SLC1A3: variants seen among roughly 807,000 people sequenced by gnomAD.
SLC1A3 encodes the protein solute carrier family 1 member 3.
SLC1A3 carries 21 observed loss-of-function variants against 48.1 expected under a neutral mutation model. The ratio of observed to expected loss-of-function variants is 0.44; its 90% confidence interval spans 0.31 to 0.63. The LOEUF (loss-of-function observed/expected upper bound fraction) is 0.63. SLC1A3 is among the 20% of genes least tolerant of loss of function. SLC1A3 has a pLI of 0.08. For synonymous variants in SLC1A3, 239 were observed against 251.4 expected, an observed-to-expected ratio of 0.95 and a Z score of 0.47; for missense variants, 546 against 689.0, an observed-to-expected ratio of 0.79 and a Z score of 2.32.
intron 3 of SLC1A3, among the ~76,000 whole-genome samples, chr5:36,639,202 A>C (rs1740514326): frequency 6.6e-6 from 1 of 151,742 alleles, no homozygotes; most frequent in Non-Finnish European, 1.5e-5. Context: ...GGGCTACTTT[A>C]TCTCTCTCTG....
intron 3 of SLC1A3, among the ~76,000 whole-genome samples, chr5:36,651,997 C>T (rs954129020): frequency 2.6e-5 from 4 of 152,190 alleles, no homozygotes; most frequent in African/African-American, 9.7e-5. Flanking sequence ...GGACTCTTGA[C>T]TCAGGGAAAT....
In SLC1A3 at chr5:36,636,463, T is replaced by TTTC. The variant is rs1554041157; in HGVS notation, c.319+6878_319+6879insCTT. On this transcript the variant is annotated intron_variant, in intron 3 of 9. Transcript: ENST00000265113. ...TCTTTTCTTTTTCTTTCTTTCTTTC[T>TTTC]TTTCTTTCTTTCTTTCTTTCTTTCT... 3.8e-3 allele frequency: 261 copies of TTTC among 68,564 alleles called. 5 individuals are homozygous for TTTC. The highest frequency in any genetic ancestry group is 0.017 in the African/African-American group (238 of 13,792). The allele number at this position is 68,564 out of a possible 1,614,324, so 4.2% of individuals were successfully genotyped here. A position where few individuals can be genotyped will look rare whatever the true frequency, so the allele number is the denominator to read the frequency against.
intron 3 of SLC1A3, among the ~76,000 whole-genome samples, chr5:36,660,239 A>C (rs1381014617): frequency 1.3e-5 from 2 of 152,172 alleles, no homozygotes; most frequent in Non-Finnish European, 2.9e-5. Context: ...AAGTCAACCA[A>C]ATGTTACTTC....
chr5:36,608,135 C>T (rs1043767578), intron 1 of SLC1A3, 194 bp from the exon 2 acceptor site: 9 of 354,896 alleles, frequency 2.5e-5, no homozygotes, highest in African/African-American at 1.2e-4. Flanking sequence ...GAATATATTC[C>T]GAATTTATGC....
At chr5:36,654,264 ACT>A (rs1741203316) in intron 3 of SLC1A3, among the ~76,000 whole-genome samples, 2 of 152,010 alleles carry the variant, frequency 1.3e-5, no homozygotes, top group South Asian at 4.2e-4. Context: ...TACAGAAAAC[ACT>A]CTGTGAGTGG....
chr5:36,665,219 G>GA (rs35654981), intron 3 of SLC1A3, among the ~76,000 whole-genome samples: 55,940 of 141,154 alleles, frequency 0.4, 11,014 homozygotes, highest in East Asian at 0.5. Flanking sequence ...CTAAGTGTTA[G>GA]AAAAAAAAAA....
intron 3 of SLC1A3, among the ~76,000 whole-genome samples, chr5:36,642,616 T>C (rs1344987136): frequency 6.6e-6 from 1 of 152,206 alleles, no homozygotes; most frequent in Admixed American, 6.5e-5. Flanking sequence ...TAATGGCTTC[T>C]AGTATATTTA....
chr5:36,632,277 G>A (rs572919485), intron 3 of SLC1A3, among the ~76,000 whole-genome samples: 6 of 152,260 alleles, frequency 3.9e-5, no homozygotes, highest in Middle Eastern at 3.4e-3. Flanking sequence ...TACAATTCAC[G>A]AAACAAACCA....
At chr5:36,605,858 T>A (rs1223047745), upstream of SLC1A3, among the ~76,000 whole-genome samples, 1 of 152,200 alleles carries the variant, frequency 6.6e-6, no homozygotes, top group Non-Finnish European at 1.5e-5. Context: ...ACATTTAGCA[T>A]CCTTTAAAAT....
intron 3 of SLC1A3, among the ~76,000 whole-genome samples, chr5:36,634,302 A>AAATAAATAAAT (rs1561253625): frequency 6.6e-6 from 1 of 151,994 alleles, no homozygotes; most frequent in African/African-American, 2.4e-5. Context: ...ATAAATAAAT[A>AAATAAATAAAT]AATAAATAAA....
chr5:36,647,773 TC>T (rs1322991691), intron 3 of SLC1A3, among the ~76,000 whole-genome samples: 7 of 152,198 alleles, frequency 4.6e-5, no homozygotes, highest in Non-Finnish European at 8.8e-5. Context: ...ACTCCAGGGA[TC>T]CATTTTGTTT....
intron 2 of SLC1A3, among the ~76,000 whole-genome samples, chr5:36,622,782 T>C (rs978258352): frequency 6.6e-6 from 1 of 151,890 alleles, no homozygotes; most frequent in Non-Finnish European, 1.5e-5. Context: ...GAGGCCGAGG[T>C]GGGCAGATCA....
chr5:36,636,743 A>G (rs774708872), intron 3 of SLC1A3, among the ~76,000 whole-genome samples: 24 of 151,938 alleles, frequency 1.6e-4, no homozygotes, highest in Non-Finnish European at 2.9e-4. Context: ...TGGGAAGTAA[A>G]GGAGAAAAGG....
At position 36,644,101 on chromosome 5, in the gene SLC1A3, A is replaced by C. The variant is rs145247396; in HGVS notation, c.319+14514A>C. Among the ~76,000 whole-genome samples the C allele has an allele frequency of 1.3e-3, 197 of 152,258 alleles. 1 individual carries two copies. Among genetic ancestry groups the C allele is most frequent in the African/African-American group, 4.4e-3 (181 of 41,558 alleles). ...AACATCAGTGAAAATAAGTAGTTTT[A>C]TATTATTATGTACTTTTGAAGTAAA... On this transcript the variant is annotated intron_variant, in intron 3 of 9. Transcript: ENST00000265113.
At chr5:36,631,286 A>G (rs558979843) in intron 3 of SLC1A3, among the ~76,000 whole-genome samples, 1 of 152,346 alleles carries the variant, frequency 6.6e-6, no homozygotes, top group African/African-American at 2.4e-5. Context: ...TATATGATAC[A>G]ATTAGAGAAG....
chr5:36,628,123 T>C (rs994846628), intron 2 of SLC1A3, among the ~76,000 whole-genome samples: 6 of 152,166 alleles, frequency 3.9e-5, no homozygotes, highest in Admixed American at 2.6e-4. Context: ...TACTGTTACA[T>C]TGGAAAAAAG....
chr5:36,681,456 G>A lies in SLC1A3; in HGVS notation c.1289+867G>A, dbSNP rs548741847. Among the ~76,000 whole-genome samples, 3 of 152,230 alleles carry A rather than the reference G, an allele frequency of 2.0e-5. No homozygotes were observed. The South Asian group carries it at 6.2e-4, about 32-fold the overall frequency. On this transcript the variant is annotated intron_variant, in intron 8 of 9. Coordinates refer to ENST00000265113, the MANE Select transcript of SLC1A3 (RefSeq NM_004172.5). ...AAAAGTTAGATGAACTTTTTCTCTT[G>A]GGTGAATTTTTAGACAGTGTAAGAT...
At chr5:36,632,904 C>T (rs1740192619) in intron 3 of SLC1A3, among the ~76,000 whole-genome samples, 1 of 152,202 alleles carries the variant, frequency 6.6e-6, no homozygotes, top group African/African-American at 2.4e-5. Context: ...TTCCAAACAT[C>T]CCTGGTGTGT....
intron 2 of SLC1A3, among the ~76,000 whole-genome samples, chr5:36,618,876 T>G (rs189908675): frequency 6.6e-6 from 1 of 152,350 alleles, no homozygotes; most frequent in Admixed American, 6.5e-5. Context: ...GATTGGACAT[T>G]TAGAATACCT....
Sources: gnomAD v4.1 joint callset for allele counts (sites outside exome capture counted in the v4.1 genomes callset) on GRCh38, gnomAD v4.1.1 for gene constraint, MANE v1.5 for transcripts, NCBI Gene and HGNC (gene_info 2026-07-23, HGNC 2026-07-21) for gene names.